The following PLXDC2 variants were observed in gnomAD, a reference collection of about 807,000 sequenced individuals.
The protein encoded by PLXDC2 is plexin domain-containing protein 2.
A neutral mutation model predicts 68.9 loss-of-function variants in PLXDC2; 40 were observed. That is an observed-to-expected ratio of 0.58 (90% CI 0.45 to 0.76). The LOEUF (loss-of-function observed/expected upper bound fraction) is 0.76. Among genes scored for constraint, PLXDC2 ranks in the 30% least tolerant of loss-of-function variants. The pLI is 0.00. For missense variants in PLXDC2, 644 were observed against 661.9 expected, an observed-to-expected ratio of 0.97 and a Z score of 0.30; for synonymous variants, 243 against 234.2, an observed-to-expected ratio of 1.04 and a Z score of -0.34.
intron 2 of PLXDC2, among the ~76,000 whole-genome samples, chr10:20,008,483 G>A (rs1460949168): frequency 6.6e-6 from 1 of 152,144 alleles, no homozygotes; most frequent in Non-Finnish European, 1.5e-5. Context: ...AACCTGGGAG[G>A]CGGAAGTTGC....
At chr10:20,228,314 A>G (rs1245216294) in intron 12 of PLXDC2, among the ~76,000 whole-genome samples, 1 of 152,086 alleles carries the variant, frequency 6.6e-6, no homozygotes, top group Non-Finnish European at 1.5e-5. Flanking sequence ...TAATCCCAGC[A>G]CTTTGGGAGG....
intron 9 of PLXDC2, among the ~76,000 whole-genome samples, chr10:20,206,194 A>C (rs1167592899): frequency 6.6e-6 from 1 of 152,156 alleles, no homozygotes; most frequent in Non-Finnish European, 1.5e-5. Context: ...AAAAAAGAAA[A>C]ATAACTTATC....
chr10:20,278,300 A>C (rs1391969675), intron 13 of PLXDC2, among the ~76,000 whole-genome samples: 1 of 152,138 alleles, frequency 6.6e-6, no homozygotes, highest in African/African-American at 2.4e-5. Flanking sequence ...GAAGTCACTA[A>C]AACCAGAGTT....
chr10:19,860,252 T>C (rs964358270), intron 1 of PLXDC2, among the ~76,000 whole-genome samples: 2 of 152,228 alleles, frequency 1.3e-5, no homozygotes, highest in African/African-American at 4.8e-5. Context: ...GTTTGTTCAC[T>C]GGTAAAGTAA....
chr10:20,218,324 A>AAAATT (rs71390770), intron 11 of PLXDC2, among the ~76,000 whole-genome samples: 68,080 of 151,526 alleles, frequency 0.45, 17,415 homozygotes, highest in Middle Eastern at 0.64. Flanking sequence ...GCTTGAATAA[A>AAAATT]AAATTAAATA....
In PLXDC2 at chr10:20,121,816, T is replaced by C. The variant is rs563620897; in HGVS notation, c.542-21479T>C. ...TAGGACAGGTAAAATGGGGGAATTG[T>C]AAGGAGAGTTTATAGGCTTTAAAAG... On this transcript the variant is annotated intron_variant, in intron 4 of 13. Transcript: ENST00000377252. Among the ~76,000 whole-genome samples, 43 of 152,184 alleles carry C rather than the reference T, an allele frequency of 2.8e-4. No individual in the cohort carries two copies. The South Asian group carries it at 8.3e-3, about 29-fold the overall frequency.
intron 1 of PLXDC2, 89 bp downstream of exon 1, chr10:19,817,280 A>G: frequency 9.6e-7 from 1 of 1,036,656 alleles, no homozygotes; most frequent in South Asian, 1.4e-5. Context: ...TCCCCCCAAC[A>G]TCACCTATCT....
chr10:20,012,336 G>GTTTTTTTTTTTTTTTTTTTTTTT lies in PLXDC2; in HGVS notation c.324+10350_324+10351insTTTTTTTTTTTTTTTTTTTTTTT, dbSNP rs1564656425. Among the ~76,000 whole-genome samples, 2 of 33,158 alleles carry GTTTTTTTTTTTTTTTTTTTTTTT rather than the reference G, an allele frequency of 6.0e-5. 1 individual carries two copies. The highest frequency in any genetic ancestry group is 1.9e-4 in the African/African-American group (2 of 10,324). 21.8% of individuals were successfully genotyped at this position (33,158 alleles called of 152,430 possible). ...TTTTTTTTTTTTTTTTTTTTTTTTG[G>GTTTTTTTTTTTTTTTTTTTTTTT]AGAAGGAGACTTGCTGTGTTTCCCA... On this transcript the variant is annotated intron_variant, in intron 2 of 13. Transcript: ENST00000377252.
chr10:20,141,918 T>C (rs1479163666), intron 4 of PLXDC2, among the ~76,000 whole-genome samples: 1 of 152,072 alleles, frequency 6.6e-6, no homozygotes, highest in Non-Finnish European at 1.5e-5. Context: ...CAAAAAGTCA[T>C]GATGATAAAA....
intron 1 of PLXDC2, among the ~76,000 whole-genome samples, chr10:19,819,740 C>G (rs891133757): frequency 1.3e-5 from 2 of 152,146 alleles, no homozygotes; most frequent in Non-Finnish European, 2.9e-5. Context: ...TTGTTCTTCT[C>G]TGGTTGAATA....
Position 20,108,956 on chromosome 10 carries a change from G to C in PLXDC2, c.542-34339G>C, listed in dbSNP as rs548855600. Among the ~76,000 whole-genome samples, 13 of 152,248 alleles carry C rather than the reference G, an allele frequency of 8.5e-5. No homozygotes were observed. The South Asian group carries it at 2.7e-3, about 32-fold the overall frequency. On this transcript the variant is annotated intron_variant, in intron 4 of 13. Coordinates refer to ENST00000377252, the MANE Select transcript of PLXDC2 (RefSeq NM_032812.9). ...TTTGTTTATGTATAAAATAAAGGCT[G>C]TAAAGATCAAATAAGAACTGAAATC...
intron 12 of PLXDC2, among the ~76,000 whole-genome samples, chr10:20,239,516 G>C (rs1355454694): frequency 6.6e-6 from 1 of 152,166 alleles, no homozygotes; most frequent in Non-Finnish European, 1.5e-5. Flanking sequence ...GAAAGAAGGG[G>C]AAGTGCCACT....
chr10:20,246,024 C>A (rs1216412974), intron 13 of PLXDC2, among the ~76,000 whole-genome samples: 2 of 152,150 alleles, frequency 1.3e-5, no homozygotes, highest in African/African-American at 2.4e-5. Context: ...TGTGCTGTTG[C>A]CATTTTGCAT....
intron 1 of PLXDC2, among the ~76,000 whole-genome samples, chr10:19,865,249 C>T (rs1837391573): frequency 6.6e-6 from 1 of 152,206 alleles, no homozygotes; most frequent in Non-Finnish European, 1.5e-5. Flanking sequence ...GTTAAACCTG[C>T]ACAAGTGGCT....
intron 12 of PLXDC2, among the ~76,000 whole-genome samples, chr10:20,238,677 G>GTGTATATATATATATATATA (rs1554777563): frequency 7.8e-5 from 6 of 76,884 alleles, no homozygotes; most frequent in African/African-American, 2.4e-4. Flanking sequence ...ATATATATAT[G>GTGTATATATATATATATATA]TATATATATA....
At chr10:20,050,835 A>C (rs1835886155) in intron 3 of PLXDC2, among the ~76,000 whole-genome samples, 1 of 152,148 alleles carries the variant, frequency 6.6e-6, no homozygotes, top group African/African-American at 2.4e-5. Context: ...GCGATTCCTC[A>C]AAGACCTAAG....
intron 4 of PLXDC2, among the ~76,000 whole-genome samples, chr10:20,126,296 CATAT>C (rs1447986295): frequency 2.7e-4 from 31 of 114,064 alleles, no homozygotes; most frequent in South Asian, 1.5e-3. Context: ...TTATATAATA[CATAT>C]ATACACATAC....
At chr10:20,083,290 A>G (rs1055684188) in intron 4 of PLXDC2, among the ~76,000 whole-genome samples, 3 of 151,880 alleles carry the variant, frequency 2.0e-5, no homozygotes, top group Admixed American at 6.6e-5. Context: ...CCTGGCTAAC[A>G]TGGTGAAACC....
Position 19,891,742 on chromosome 10 carries a change from A to G in PLXDC2, c.112+74551A>G, listed in dbSNP as rs182552698. ...TTTCGCTTGTAGATTAATTTCGTTT[A>G]GCTGTTATAACTTAGTTTTTGAAGT... On this transcript the variant is annotated intron_variant, in intron 1 of 13. Transcript: ENST00000377252. Among the ~76,000 whole-genome samples the G allele has an allele frequency of 1.3e-3, 193 of 152,338 alleles. No individual in the cohort carries two copies. The Middle Eastern group carries it at 0.014, about 11-fold the overall frequency.
Sources: gnomAD v4.1 joint callset for allele counts (sites outside exome capture counted in the v4.1 genomes callset) on GRCh38, gnomAD v4.1.1 for gene constraint, MANE v1.5 for transcripts, NCBI Gene and HGNC (gene_info 2026-07-23, HGNC 2026-07-21) for gene names.